The following CDH6 variants were observed in gnomAD, a reference collection of about 807,000 sequenced individuals.
CDH6 encodes cadherin-6.
Under a neutral mutation model 78.0 loss-of-function variants are expected in CDH6, and 31 were observed. That is an observed-to-expected ratio of 0.40 (90% CI 0.30 to 0.54). CDH6 has a LOEUF of 0.54. Among genes scored for constraint, CDH6 ranks in the 20% least tolerant of loss-of-function variants. The pLI is 0.56. For missense variants in CDH6, 724 were observed against 975.9 expected, an observed-to-expected ratio of 0.74 and a Z score of 3.44; for synonymous variants, 376 against 368.8, an observed-to-expected ratio of 1.02 and a Z score of -0.23.
chr5:31,229,499 C>T (rs967206369), intron 1 of CDH6, among the ~76,000 whole-genome samples: 18 of 152,208 alleles, frequency 1.2e-4, no homozygotes, highest in Non-Finnish European at 1.9e-4. Context: ...GGCAGCTTGG[C>T]TCTTACGACT....
chr5:31,224,801 C>T (rs749372955), intron 1 of CDH6, among the ~76,000 whole-genome samples: 1 of 152,186 alleles, frequency 6.6e-6, no homozygotes, highest in Non-Finnish European at 1.5e-5. Context: ...TCCTCAGCGT[C>T]CCAAAGTGCT....
intron 6 of CDH6, 58 bp from the exon 7 acceptor site, chr5:31,305,116 C>G: frequency 6.5e-6 from 10 of 1,544,530 alleles, no homozygotes; most frequent in Non-Finnish European, 8.7e-6. Context: ...CGTGTCTTGG[C>G]TTTCTGTGTC....
chr5:31,278,167 GC>G (rs1349757710), intron 2 of CDH6, among the ~76,000 whole-genome samples: 1 of 152,100 alleles, frequency 6.6e-6, no homozygotes, highest in African/African-American at 2.4e-5. Flanking sequence ...ATAGTGTTTT[GC>G]AGCATTAGCT....
At chr5:31,206,769 C>T (rs553071935) in intron 1 of CDH6, among the ~76,000 whole-genome samples, 2 of 152,240 alleles carry the variant, frequency 1.3e-5, no homozygotes, top group African/African-American at 4.8e-5. Flanking sequence ...TTCGCCCATA[C>T]TTACATCTTA....
intron 10 of CDH6, 77 bp downstream of exon 10, chr5:31,317,569 G>C (rs1300265000): frequency 6.7e-7 from 1 of 1,493,996 alleles, no homozygotes; most frequent in Non-Finnish European, 9.2e-7. Flanking sequence ...ATGTGTATAT[G>C]TATATGTACA....
intron 1 of CDH6, among the ~76,000 whole-genome samples, chr5:31,262,147 G>A (rs1742226974): frequency 6.6e-6 from 1 of 152,166 alleles, no homozygotes; most frequent in South Asian, 2.1e-4. Flanking sequence ...GATAGGACTT[G>A]AATTAATAAG....
chr5:31,245,778 T>TA (rs1242970682), intron 1 of CDH6, among the ~76,000 whole-genome samples: 2 of 152,136 alleles, frequency 1.3e-5, no homozygotes, highest in African/African-American at 4.8e-5. Context: ...ATCTAAAAGT[T>TA]ATCCACAAAT....
intron 1 of CDH6, among the ~76,000 whole-genome samples, chr5:31,232,330 G>A (rs1216432124): frequency 2.0e-5 from 3 of 152,094 alleles, no homozygotes; most frequent in Non-Finnish European, 4.4e-5. Flanking sequence ...TTACTACCCT[G>A]CACTTTATTT....
intron 6 of CDH6, among the ~76,000 whole-genome samples, chr5:31,302,943 G>GAAAGAAAGAAAGAAAGA (rs1554010050): frequency 1.5e-5 from 2 of 130,230 alleles, no homozygotes; most frequent in Non-Finnish European, 3.5e-5. Flanking sequence ...AAGAAAGAAA[G>GAAAGAAAGAAAGAAAGA]AAAGAAAGAA....
At chr5:31,222,316 A>C (rs956019049) in intron 1 of CDH6, among the ~76,000 whole-genome samples, 4 of 152,316 alleles carry the variant, frequency 2.6e-5, no homozygotes, top group African/African-American at 9.6e-5. Context: ...ACCTTGTAAA[A>C]GTGATTGATA....
intron 2 of CDH6, among the ~76,000 whole-genome samples, chr5:31,287,223 G>A (rs762510789): frequency 2.0e-5 from 3 of 152,152 alleles, no homozygotes; most frequent in Non-Finnish European, 4.4e-5. Context: ...AAGGACCAAA[G>A]ACACAGGCCT....
chr5:31,235,337 C>A (rs1174150306), intron 1 of CDH6, among the ~76,000 whole-genome samples: 2 of 143,982 alleles, frequency 1.4e-5, no homozygotes, highest in African/African-American at 5.1e-5. Flanking sequence ...GCAACACCAA[C>A]AAGAGTAATT....
At chr5:31,268,959 A>G (rs902097236) in intron 2 of CDH6, among the ~76,000 whole-genome samples, 1 of 152,232 alleles carries the variant, frequency 6.6e-6, no homozygotes, top group Non-Finnish European at 1.5e-5. Context: ...CAGATCCCCA[A>G]GGATCTAGCC....
chr5:31,222,329 G>C (rs1205094032), intron 1 of CDH6, among the ~76,000 whole-genome samples: 2 of 152,036 alleles, frequency 1.3e-5, no homozygotes. Flanking sequence ...GATTGATACA[G>C]GTATAAAGTT....
At chr5:31,252,944 G>A (rs894997148) in intron 1 of CDH6, among the ~76,000 whole-genome samples, 16 of 152,126 alleles carry the variant, frequency 1.1e-4, no homozygotes, top group African/African-American at 3.9e-4. Flanking sequence ...TGTGCTAAGT[G>A]TTTTATGTAC....
At chr5:31,234,331 C>T (rs1252282817) in intron 1 of CDH6, among the ~76,000 whole-genome samples, 13 of 152,034 alleles carry the variant, frequency 8.6e-5, no homozygotes, top group Admixed American at 7.9e-4. Flanking sequence ...TCTTAAAAGA[C>T]TTTTTCTGGT....
At chr5:31,307,361 T>G (rs550796405) in intron 7 of CDH6, among the ~76,000 whole-genome samples, 3 of 152,328 alleles carry the variant, frequency 2.0e-5, no homozygotes, top group Admixed American at 6.5e-5. Context: ...AAATGAAACC[T>G]TATGACAAGC....
At position 31,323,107 on chromosome 5, in the gene CDH6, C is replaced by T. The variant is rs1467123596; in HGVS notation, c.2172C>T (p.Asp724=). ...DFINQRLKEN[D]TDPTAPPYDS... is the part of the protein sequence containing the mutation. ...TTAACCAAAGGTTAAAGGAAAATGA[C>T]ACGGACCCCACTGCCCCGCCATACG... Residue 724 remains aspartate, a synonymous_variant, in exon 12 of 12, where the codon GAC becomes GAT. Transcript: ENST00000265071. 1.9e-6 allele frequency: 3 copies of T among 1,614,084 alleles called. No homozygotes were observed. Among genetic ancestry groups the T allele is most frequent in the South Asian group, 1.1e-5 (1 of 91,090 alleles).
At chr5:31,211,000 C>A (rs2111804368) in intron 1 of CDH6, among the ~76,000 whole-genome samples, 1 of 152,180 alleles carries the variant, frequency 6.6e-6, no homozygotes, top group Admixed American at 6.5e-5. Flanking sequence ...ATGAGGGTTA[C>A]CTGCAAAATG....
Sources: allele counts gnomAD v4.1 joint callset (sites outside exome capture counted in the v4.1 genomes callset), GRCh38; gene constraint gnomAD v4.1.1; transcripts MANE v1.5; gene names NCBI Gene and HGNC (gene_info 2026-07-23, HGNC 2026-07-21).